LENG8: variants seen among roughly 807,000 people sequenced by gnomAD.
The protein encoded by LENG8 is leukocyte receptor cluster member 8, also known as leukocyte receptor cluster (LRC) member 8.
A neutral mutation model predicts 102.1 loss-of-function variants in LENG8; 28 were observed. That is an observed-to-expected ratio of 0.27 (90% CI 0.20 to 0.38). The LOEUF (loss-of-function observed/expected upper bound fraction) is 0.38. LENG8 is among the 10% of genes least tolerant of loss of function. The pLI is 1.00. For missense variants in LENG8, 1,022 were observed against 1,113.9 expected (o/e 0.92, Z 1.17); for synonymous variants, 531 against 456.7 (o/e 1.16, Z -2.07).
rs143145059 is a variant in LENG8, at chr19:54,456,377, G to A, written c.1357G>A (p.Val453Met). The A allele has an allele frequency of 2.5e-6, 4 of 1,612,974 alleles. No individual in the cohort carries two copies. Among genetic ancestry groups the A allele is most frequent in the East Asian group, 2.2e-5 (1 of 44,866 alleles). ...CTACTCAGGGAATGAGTGTCACCCT[G>A]TGGGCCGCAGGAACCCGCCCCCTAA... ...SSYSGNECHP[V>M]GRRNPPPKGR... The change falls in exon 10 of 16, where the codon GTG becomes ATG. Residue 453 changes from valine (V) to methionine (M), a missense_variant. By Grantham distance (21) the Val-to-Met change is conservative. Coordinates refer to ENST00000326764, the MANE Select transcript of LENG8 (RefSeq NM_052925.4).
chr19:54,457,025 T>C (rs1163470244), intron 11 of LENG8, 104 bp downstream of exon 11: 12 of 1,279,226 alleles, frequency 9.4e-6, no homozygotes, highest in Non-Finnish European at 1.3e-5. Flanking sequence ...GGCTCTGGTA[T>C]GGCAGGGGAA....
intron 11 of LENG8, 148 bp downstream of exon 11, chr19:54,457,069 C>T (rs1047848993): frequency 2.8e-5 from 26 of 935,228 alleles, no homozygotes; most frequent in Non-Finnish European, 3.7e-5. Flanking sequence ...GGTCGGCATT[C>T]TGAGAGGAGC....
At chr19:54,460,019 T>C (rs1481963651) in intron 15 of LENG8, 8 of 1,273,996 alleles carry the variant, frequency 6.3e-6, no homozygotes, top group Middle Eastern at 2.3e-4. Flanking sequence ...CGCCAGTCTG[T>C]CATTGACCTC....
rs1402026651 is a variant in LENG8, at chr19:54,455,033, A to G, written c.762A>G (p.Ala254=). 1 of 1,614,168 alleles carries G rather than the reference A, an allele frequency of 6.2e-7. No individual in the cohort carries two copies. Among genetic ancestry groups the G allele is most frequent in the East Asian group, 2.2e-5 (1 of 44,888 alleles). ...AVTTQSFGSN[A]EGQHSGFGPQ... ...CCACCCAGAGCTTTGGCTCCAACGC[A>G]GAGGGCCAGCACAGTGGTTTTGGCC... Residue 254 remains alanine, a synonymous_variant, in exon 7 of 16, where the codon GCA becomes GCG. Transcript: ENST00000326764.
rs1235639964 is a variant in LENG8, at chr19:54,456,408, G to C, written c.1388G>C (p.Arg463Pro). The C allele has an allele frequency of 1.2e-6, 2 of 1,610,726 alleles. No individual in the cohort carries two copies. The highest frequency in any genetic ancestry group is 2.2e-5 in the South Asian group (2 of 91,082). ...CGCAGGAACCCGCCCCCTAAGGGCC[G>C]GGGCGGTCGAGGGGCCCATATGGAT... ...VGRRNPPPKGRGGRGAHMDRG... is the reference protein window; with the variant it reads ...VGRRNPPPKGPGGRGAHMDRG... Residue 463 changes from arginine (R) to proline (P), a missense_variant, in exon 10 of 16, where the codon CGG becomes CCG. By Grantham distance (103) the Arg-to-Pro change is moderately radical. Coordinates refer to ENST00000326764, the MANE Select transcript of LENG8 (RefSeq NM_052925.4).
Position 54,451,286 on chromosome 19 carries a change from A to G in LENG8, c.-55-4A>G, listed in dbSNP as rs10407651. On this transcript the variant is annotated splice_region_variant and splice_polypyrimidine_tract_variant and intron_variant, in intron 1 of 15. Transcript: ENST00000326764. ...GTCTCCCTAACTCATTCTTTTTCTC[A>G]TAGACAGTGAAAAAGCAGTCTGGCT... is the stretch of plus-strand genomic sequence containing the variant. The G allele has an allele frequency of 0.02, 31,065 of 1,563,420 alleles. 632 individuals are homozygous for G. The highest frequency in any genetic ancestry group is 0.085 in the East Asian group (3,796 of 44,660).
chr19:54,456,576 G>T, intron 10 of LENG8, 60 bp from the exon 11 acceptor site: 2 of 1,549,924 alleles, frequency 1.3e-6, no homozygotes, highest in Non-Finnish European at 1.7e-6. Flanking sequence ...TGCCAAAGGG[G>T]CGAGGCTGAA....
chr19:54,458,590 C>T (rs1215224245), intron 15 of LENG8, 69 bp downstream of exon 15: 1 of 1,600,798 alleles, frequency 6.2e-7, no homozygotes, highest in South Asian at 1.1e-5. Flanking sequence ...CCCCTCAGAC[C>T]AGCTCCTGGC....
chr19:54,458,452 T>C lies in LENG8; in HGVS notation c.2171T>C (p.Met724Thr), dbSNP rs147049285. Reference sequence around the variant, plus strand: ...CGGCTCTACTGCCATGCACCCTGCATGTCTGGCTACCTCGTGGACAAGTTT... The same window carrying C: ...CGGCTCTACTGCCATGCACCCTGCACGTCTGGCTACCTCGTGGACAAGTTT... ...FFRLYCHAPCMSGYLVDKFAD... is the reference protein window; with the variant it reads ...FFRLYCHAPCTSGYLVDKFAD... Residue 724 changes from methionine to threonine, a missense_variant, in exon 15 of 16, where the codon ATG (methionine) becomes ACG (threonine). Around this residue, in one of 7 missense-constraint regions of LENG8, gnomAD observed 129 missense variants for 123.0 expected, o/e 1.05. Coordinates refer to ENST00000326764, the MANE Select transcript of LENG8 (RefSeq NM_052925.4). 1.2e-6 allele frequency: 2 copies of C among 1,614,274 alleles called. No homozygotes were observed. Among genetic ancestry groups the C allele is most frequent in the South Asian group, 2.2e-5 (2 of 91,090 alleles).
rs1434795310 is a variant in LENG8 at position 54,451,396 on chromosome 19, G to A, written c.38+14G>A. On this transcript the variant is annotated intron_variant, in intron 2 of 15. Coordinates refer to ENST00000326764, the MANE Select transcript of LENG8 (RefSeq NM_052925.4). ...TAGCACAGATTGGTTAGTGAGGCGA[G>A]AGGGATGGAGGCCAGTCGGGAGGGA... 2 of 1,613,756 alleles carry A rather than the reference G, an allele frequency of 1.2e-6. No homozygotes were observed. The highest frequency in any genetic ancestry group is 1.7e-6 in the Non-Finnish European group (2 of 1,179,750).
In LENG8 at chr19:54,456,928, G is replaced by C; in HGVS notation, c.1731+7G>C. ...CACCGTGCGCCCTGTGGCAGTAAGT[G>C]CCCAGCAGGGCAGTTCTGCTCTGTG... On this transcript the variant is annotated splice_region_variant and intron_variant, in intron 11 of 15. Transcript: ENST00000326764. The C allele has an allele frequency of 6.2e-7, 1 of 1,600,908 alleles. No homozygotes were observed. Among genetic ancestry groups the C allele is most frequent in the Non-Finnish European group, 8.5e-7 (1 of 1,177,212 alleles).
Position 54,461,063 on chromosome 19 carries a change from C to A in LENG8, c.*135C>A. On this transcript the variant is annotated 3_prime_UTR_variant, in exon 16 of 16. Transcript: ENST00000326764. Reference sequence around the variant, plus strand: ...GCTCCAGGAAGAGCCACCATCCCTGCCCCCGTTTTCCCACCGGGGAGTCTG... The same window carrying A: ...GCTCCAGGAAGAGCCACCATCCCTGACCCCGTTTTCCCACCGGGGAGTCTG... 1 of 1,272,736 alleles carries A rather than the reference C, an allele frequency of 7.9e-7. No individual in the cohort carries two copies. Among genetic ancestry groups the A allele is most frequent in the Non-Finnish European group, 1.1e-6 (1 of 917,502 alleles). The allele number at this position is 1,272,736 out of a possible 1,614,324, so 78.8% of individuals were successfully genotyped here.
intron 4 of LENG8, 96 bp downstream of exon 4, chr19:54,452,848 G>A (rs544778875): frequency 2.9e-5 from 24 of 832,848 alleles, no homozygotes; most frequent in Non-Finnish European, 4.7e-5. Context: ...GCTGGGTGGT[G>A]GATGGACTGG....
Position 54,457,860 on chromosome 19 carries a change from G to C in LENG8, c.1833+12G>C, listed in dbSNP as rs75907476. 1.2e-6 allele frequency: 2 copies of C among 1,613,530 alleles called. No individual in the cohort carries two copies. The highest frequency in any genetic ancestry group is 1.7e-5 in the Admixed American group (1 of 60,028). ...GGCAGGATCTGACGGTGAGACTCGC[G>C]CTGGGAGGGGCCTGGCCTCAGCCAG... is the stretch of plus-strand genomic sequence containing the variant. On this transcript the variant is annotated intron_variant, in intron 12 of 15. Coordinates refer to ENST00000326764, the MANE Select transcript of LENG8 (RefSeq NM_052925.4).
At chr19:54,459,873 A>T (rs2084442145) in intron 15 of LENG8, 2 of 1,170,200 alleles carry the variant, frequency 1.7e-6, no homozygotes, top group Admixed American at 7.5e-5. Context: ...GTCTGCTGCC[A>T]TGATGGGCCC....
At chr19:54,452,409 GA>G in intron 3 of LENG8, 142 bp downstream of exon 3, 1 of 853,924 alleles carries the variant, frequency 1.2e-6, no homozygotes. Context: ...ATCTGAACGG[GA>G]AAAAGTTCTG....
At chr19:54,460,147 G>C in intron 15 of LENG8, 1 of 1,289,990 alleles carries the variant, frequency 7.8e-7, no homozygotes, top group Non-Finnish European at 1.0e-6. Flanking sequence ...GAGCAGAAGC[G>C]GGTTCTAGGA....
In LENG8 at chr19:54,451,923, A is replaced by T. The variant is rs2083979859; in HGVS notation, c.39-170A>T. ...GGTGATCTCATTTATCCCTCCCAGC[A>T]GACTCTGAAGCAGAAACCCTTTATC... On this transcript the variant is annotated intron_variant, in intron 2 of 15. Coordinates refer to ENST00000326764, the MANE Select transcript of LENG8 (RefSeq NM_052925.4). 3 of 576,650 alleles carry T rather than the reference A, an allele frequency of 5.2e-6. No homozygotes were observed. The Admixed American group carries it at 1.0e-4, about 19-fold the overall frequency. 35.7% of individuals were successfully genotyped at this position (576,650 alleles called of 1,614,324 possible).
chr19:54,452,599 G>A (rs1039284779), intron 3 of LENG8, 52 bp from the exon 4 acceptor site: 187 of 1,440,224 alleles, frequency 1.3e-4, no homozygotes, highest in Admixed American at 2.7e-4. Context: ...TTTGGGGGCC[G>A]TGTGCCTGTG....
Sources: allele counts gnomAD v4.1 joint callset, GRCh38; gene constraint gnomAD v4.1.1; regional missense constraint gnomAD v4.1.1; transcripts MANE v1.5; gene names NCBI Gene and HGNC (gene_info 2026-07-23, HGNC 2026-07-21).